The following GPR180 variants were observed in gnomAD, a reference collection of about 807,000 sequenced individuals.
The protein encoded by GPR180 is G protein-coupled receptor 180.
A neutral mutation model predicts 52.6 loss-of-function variants in GPR180; 53 were observed. The observed-to-expected ratio is 1.01, with a 90% CI of 0.81 to 1.27. The LOEUF is 1.27. GPR180 is among the 50% of genes most tolerant of loss of function. The pLI, the probability that GPR180 is intolerant of heterozygous loss-of-function variation, is 0.00. For missense variants in GPR180, 533 were observed against 527.0 expected, an observed-to-expected ratio of 1.01 and a Z score of -0.11; for synonymous variants, 200 against 193.1, an observed-to-expected ratio of 1.04 and a Z score of -0.30.
chr13:94,607,411 G>A (rs1889647825), intron 2 of GPR180, among the ~76,000 whole-genome samples: 1 of 151,054 alleles, frequency 6.6e-6, no homozygotes, highest in Admixed American at 6.6e-5. Flanking sequence ...TAGACTGGCT[G>A]CTGCTTACCT....
chr13:94,618,850 T>C (rs572944875), intron 3 of GPR180, among the ~76,000 whole-genome samples: 5 of 152,338 alleles, frequency 3.3e-5, no homozygotes, highest in African/African-American at 1.2e-4. Context: ...TATTTTCATT[T>C]ACTGTTTTCA....
intron 8 of GPR180, among the ~76,000 whole-genome samples, chr13:94,626,526 G>A (rs952270549): frequency 3.3e-5 from 5 of 152,134 alleles, no homozygotes; most frequent in African/African-American, 1.2e-4. Flanking sequence ...TACAAGCAAT[G>A]CAGTATGTGC....
At chr13:94,613,256 G>A (rs1042735258) in intron 3 of GPR180, among the ~76,000 whole-genome samples, 1 of 152,144 alleles carries the variant, frequency 6.6e-6, no homozygotes, top group Non-Finnish European at 1.5e-5. Flanking sequence ...AGTGGGGTGG[G>A]TGGAGGTGAG....
chr13:94,619,082 T>C (rs777879650), intron 3 of GPR180, 68 bp from the exon 4 acceptor site: 7 of 1,232,904 alleles, frequency 5.7e-6, no homozygotes, highest in Non-Finnish European at 7.9e-6. Context: ...ACAGGGAGAT[T>C]TGAAAGCAGC....
intron 7 of GPR180, among the ~76,000 whole-genome samples, chr13:94,624,408 T>A (rs1213111527): frequency 6.6e-6 from 1 of 152,232 alleles, no homozygotes. Context: ...CTGCTGCTGC[T>A]GCAGCCCTAA....
At position 94,628,920 on chromosome 13, in the gene GPR180, G is replaced by GA. The variant is rs1390588484; in HGVS notation, c.*1754dup. ...TTGTGAACTTGCCAAAAGGGGAAGG[G>GA]AAAAATCTTTGTGTTACTTCACTCA... is the stretch of plus-strand genomic sequence containing the variant. On this transcript the variant is annotated 3_prime_UTR_variant, in exon 9 of 9. Coordinates refer to ENST00000376958, the MANE Select transcript of GPR180 (RefSeq NM_180989.6). The GA allele has an allele frequency of 1.3e-5, 2 of 152,048 alleles. No individual in the cohort carries two copies. The highest frequency in any genetic ancestry group is 4.8e-5 in the African/African-American group (2 of 41,430). The allele number at this position is 152,048 out of a possible 1,614,324, so 9.4% of individuals were successfully genotyped here.
At chr13:94,621,634 A>G (rs906436099) in intron 6 of GPR180, among the ~76,000 whole-genome samples, 4 of 152,140 alleles carry the variant, frequency 2.6e-5, no homozygotes, top group Non-Finnish European at 5.9e-5. Context: ...AGATTTATCC[A>G]TTGTCAAGAA....
At chr13:94,610,496 T>C (rs1345125524) in intron 2 of GPR180, among the ~76,000 whole-genome samples, 1 of 152,224 alleles carries the variant, frequency 6.6e-6, no homozygotes, top group African/African-American at 2.4e-5. Flanking sequence ...GGCAGGTATC[T>C]TTATTTGACT....
rs1324860388 is a variant in GPR180, at chr13:94,631,051, G to C, written c.*3880G>C. On this transcript the variant is annotated 3_prime_UTR_variant, in exon 9 of 9. Transcript: ENST00000376958. ...CTTATCTGTTGGCTTCTCTTGGCCT[G>C]TGGGACAACAGCCAGGCCCACAGGA... The C allele has an allele frequency of 6.6e-6, 1 of 152,258 alleles. No homozygotes were observed. Among genetic ancestry groups the C allele is most frequent in the Non-Finnish European group, 1.5e-5 (1 of 68,064 alleles). The allele number at this position is 152,258 out of a possible 1,614,324, so 9.4% of individuals were successfully genotyped here.
At chr13:94,603,293 TG>T in intron 1 of GPR180, among the ~76,000 whole-genome samples, 1 of 152,310 alleles carries the variant, frequency 6.6e-6, no homozygotes, top group Admixed American at 6.5e-5. Flanking sequence ...TGGCACAATG[TG>T]GACAGTGTTG....
chr13:94,624,906 A>T (rs974084610), intron 7 of GPR180, among the ~76,000 whole-genome samples: 1 of 151,296 alleles, frequency 6.6e-6, no homozygotes, highest in Non-Finnish European at 1.5e-5. Context: ...ATTTCGGCTC[A>T]CTGCAACTTC....
chr13:94,602,156 C>A, intron 1 of GPR180, 84 bp downstream of exon 1: 1 of 1,211,264 alleles, frequency 8.3e-7, no homozygotes, highest in Non-Finnish European at 1.0e-6. Context: ...CCCGGCCCCT[C>A]CCTGCCACGT....
rs777846571 is a variant in GPR180, at chr13:94,619,325, C to A, written c.681C>A (p.Phe227Leu). The A allele has an allele frequency of 3.7e-6, 6 of 1,613,668 alleles. No homozygotes were observed. The South Asian group carries it at 6.6e-5, about 18-fold the overall frequency. The change falls in exon 4 of 9, where the codon TTC (phenylalanine) becomes TTA (leucine). Residue 227 changes from phenylalanine (F) to leucine (L), a missense_variant. Physicochemically the swap from Phe to Leu is conservative, Grantham distance 22 (BLOSUM62 0). Transcript: ENST00000376958. ...AGSALANYIHFSSYSKDGIGV... is the reference protein window; with the variant it reads ...AGSALANYIHLSSYSKDGIGV... The stretch of plus-strand genomic sequence containing the variant: ...CAGCTTTAGCTAATTACATTCATTT[C>A]TCCAGGTAACTCAAAACCACTAAAA...
Position 94,623,277 on chromosome 13 carries a change from G to GAGTT in GPR180, c.1064_1067dup (p.Phe356LeufsTer28). On this transcript the variant is annotated frameshift_variant, in exon 7 of 9. Transcript: ENST00000376958. LOFTEE classifies it high-confidence loss of function. ...AGTGGAGAGAAGTACACTCAAAAGG[G>GAGTT]AGTTCTACATCACATTTGCCAAAGT... 6.2e-7 allele frequency: 1 copy of GAGTT among 1,613,008 alleles called. No individual in the cohort carries two copies. The highest frequency in any genetic ancestry group is 8.5e-7 in the Non-Finnish European group (1 of 1,179,494).
Position 94,612,300 on chromosome 13 carries a change from T to G in GPR180, c.415T>G (p.Ser139Ala). The stretch of plus-strand genomic sequence containing the variant: ...TACATGCCAAGATGACAAGGAGAAT[T>G]CTCAGGTGGAAGATATCCCATTTGA... ...KYTCQDDKEN[S>A]QVEDIPFEMV... Residue 139 changes from serine to alanine, a missense_variant, in exon 3 of 9, where the codon TCT becomes GCT. Transcript: ENST00000376958. The G allele has an allele frequency of 6.2e-7, 1 of 1,613,922 alleles. No individual in the cohort carries two copies. Among genetic ancestry groups the G allele is most frequent in the African/African-American group, 1.3e-5 (1 of 75,058 alleles).
chr13:94,601,877 C>T lies in GPR180; in HGVS notation c.-51C>T. Reference sequence around the variant, plus strand: ...CCCCCAGCTGCCGACGTGGGGCGGGCAGCCGCCGGCGGCTGGGAGCCGAGG... The same window carrying T: ...CCCCCAGCTGCCGACGTGGGGCGGGTAGCCGCCGGCGGCTGGGAGCCGAGG... On this transcript the variant is annotated 5_prime_UTR_variant, in exon 1 of 9. Transcript: ENST00000376958. 1 of 1,334,768 alleles carries T rather than the reference C, an allele frequency of 7.5e-7. No homozygotes were observed. The highest frequency in any genetic ancestry group is 9.6e-7 in the Non-Finnish European group (1 of 1,042,046). The allele number at this position is 1,334,768 out of a possible 1,614,324, so 82.7% of individuals were successfully genotyped here.
chr13:94,619,409 T>C, intron 4 of GPR180, 59 bp from the exon 5 acceptor site: 1 of 1,602,074 alleles, frequency 6.2e-7, no homozygotes, highest in Non-Finnish European at 8.5e-7. Context: ...ATGCTTGCTT[T>C]GATTATAAAC....
At chr13:94,611,022 G>T (rs1335988680) in intron 2 of GPR180, among the ~76,000 whole-genome samples, 5 of 152,164 alleles carry the variant, frequency 3.3e-5, no homozygotes, top group Admixed American at 6.5e-5. Context: ...GCTTATATCA[G>T]CCCTTTGCTG....
intron 3 of GPR180, among the ~76,000 whole-genome samples, chr13:94,612,625 T>C (rs1297273084): frequency 6.6e-6 from 1 of 152,202 alleles, no homozygotes; most frequent in Non-Finnish European, 1.5e-5. Context: ...AGCACAAAAA[T>C]ATTAATAGAT....
Sources: gnomAD v4.1 joint callset for allele counts (sites outside exome capture counted in the v4.1 genomes callset) on GRCh38, gnomAD v4.1.1 for gene constraint, MANE v1.5 for transcripts, NCBI Gene and HGNC (gene_info 2026-07-23, HGNC 2026-07-21) for gene names.